TMEM200C: variants seen among roughly 807,000 people sequenced by gnomAD.
The protein encoded by TMEM200C is transmembrane protein TTMA.
For missense variants in TMEM200C, 966 were observed against 699.9 expected, an observed-to-expected ratio of 1.38 and a Z score of -4.29; for synonymous variants, 462 against 324.7, an observed-to-expected ratio of 1.42 and a Z score of -4.55.
rs1184747684 is a variant in TMEM200C, at chr18:5,891,026, G to A, written c.1038C>T (p.Ala346=). The change falls in exon 3 of 3, where the codon GCC becomes GCT. Residue 346 remains alanine, a synonymous_variant. Coordinates refer to ENST00000581347, the Ensembl canonical transcript of TMEM200C. This position sits in a 1 kb window ranked among gnomAD's most constrained non-coding sequence, Gnocchi z 4.7. ...GCGCCGGACTGCTGCAGCTGCTAGC[G>A]GCTGCGGCGGCGGTGGCAGCGGCGG... 3.7e-5 allele frequency: 21 copies of A among 566,902 alleles called. 1 individual carries two copies. The highest frequency in any genetic ancestry group is 4.9e-5 in the Non-Finnish European group (16 of 326,790). The allele number at this position is 566,902 out of a possible 1,614,324, so 35.1% of individuals were successfully genotyped here. A position where few individuals can be genotyped will look rare whatever the true frequency, so the allele number is the denominator to read the frequency against.
exon 3 of TMEM200C, chr18:5,884,545 A>G (rs1053649519): frequency 6.6e-6 from 1 of 152,204 alleles, no homozygotes; most frequent in African/African-American, 2.4e-5. Context: ...TACCTACCAC[A>G]GTGCCTATCT....
At chr18:5,892,557 ATTCT>A (rs2095172347) in intron 2 of TMEM200C, among the ~76,000 whole-genome samples, 1 of 152,170 alleles carries the variant, frequency 6.6e-6, no homozygotes, top group South Asian at 2.1e-4. Flanking sequence ...CCCTGTCAAG[ATTCT>A]TTCCCTCAGT....
exon 3 of TMEM200C, chr18:5,890,511 G>A: frequency 6.5e-7 from 1 of 1,527,698 alleles, no homozygotes; most frequent in Non-Finnish European, 8.8e-7. Flanking sequence ...GTCCCGCCTG[G>A]TGGGGGGCGA....
intron 2 of TMEM200C, among the ~76,000 whole-genome samples, chr18:5,894,281 C>T (rs1305960975): frequency 6.6e-6 from 1 of 152,184 alleles, no homozygotes; most frequent in Non-Finnish European, 1.5e-5. Context: ...CAGTCCTTTA[C>T]CGCACATCTT....
At position 5,891,436 on chromosome 18, in the gene TMEM200C, C is replaced by A; in HGVS notation, c.628G>T (p.Val210Leu). ...AGGTCTTTGGCGCGGAGGCTGTGCA[C>A]GTCGATGACGGTGGAGTAGAGGTCC... is the stretch of plus-strand genomic sequence containing the variant. Residue 210 changes from valine to leucine, a missense_variant, in exon 3 of 3, where the codon GTG (valine) becomes TTG (leucine). By Grantham distance (32) the Val-to-Leu change is conservative. Coordinates refer to ENST00000581347, the Ensembl canonical transcript of TMEM200C. The surrounding 1 kb of genome is among the most constrained non-coding windows in gnomAD (Gnocchi z 4.7). 2 of 1,551,374 alleles carry A rather than the reference C, an allele frequency of 1.3e-6. No homozygotes were observed. Among genetic ancestry groups the A allele is most frequent in the Non-Finnish European group, 1.7e-6 (2 of 1,147,996 alleles).
In TMEM200C at chr18:5,891,965, C is replaced by T. The variant is rs2095171674; in HGVS notation, c.99G>A (p.Lys33=). 5 of 1,613,866 alleles carry T rather than the reference C, an allele frequency of 3.1e-6. 1 individual carries two copies. In the South Asian group the frequency reaches 4.4e-5, roughly 14 times the overall value. Residue 33 remains lysine, a synonymous_variant, in exon 3 of 3, where the codon AAG becomes AAA. Transcript: ENST00000581347. The surrounding 1 kb of genome is among the most constrained non-coding windows in gnomAD (Gnocchi z 4.7). ...CCACCACCACGTCGTTCTTGCGCCT[C>T]TTCTTGGCTTTCCGCTTGCGCTTGG... is the stretch of plus-strand genomic sequence containing the variant.
chr18:5,883,415 T>C (rs1008092168), exon 3 of TMEM200C: 2 of 152,168 alleles, frequency 1.3e-5, no homozygotes, highest in African/African-American at 4.8e-5. Flanking sequence ...TACTTTGCTA[T>C]TCTGGCCAAA....
rs754206113 is a variant in TMEM200C at position 5,891,991 on chromosome 18, G to C, written c.73C>G (p.Pro25Ala). ...TTCTTGGCTTTCCGCTTGCGCTTGGGTATCTGGCTTGGGGGGCGGAGTGGA... is the reference window on the plus strand; with the variant it reads ...TTCTTGGCTTTCCGCTTGCGCTTGGCTATCTGGCTTGGGGGGCGGAGTGGA... Residue 25 changes from proline (P) to alanine (A), a missense_variant, in exon 3 of 3, where the codon CCC (proline) becomes GCC (alanine). By Grantham distance (27) the Pro-to-Ala change is conservative. Transcript: ENST00000581347. The surrounding 1 kb of genome is among the most constrained non-coding windows in gnomAD (Gnocchi z 4.7). 1 of 1,613,856 alleles carries C rather than the reference G, an allele frequency of 6.2e-7. No homozygotes were observed. The highest frequency in any genetic ancestry group is 1.1e-5 in the South Asian group (1 of 91,082).
chr18:5,884,570 A>G (rs925248882), exon 3 of TMEM200C: 5 of 152,294 alleles, frequency 3.3e-5, no homozygotes, highest in Non-Finnish European at 7.4e-5. Flanking sequence ...CATGATAGGC[A>G]GAGTATAATA....
At chr18:5,893,001 T>A (rs2095172727) in intron 2 of TMEM200C, among the ~76,000 whole-genome samples, 1 of 152,188 alleles carries the variant, frequency 6.6e-6, no homozygotes, top group African/African-American at 2.4e-5. Context: ...CTTCTGGCCT[T>A]CTTTCCTCCC....
At chr18:5,895,520 G>C (rs1426044950) in intron 1 of TMEM200C, 3 of 148,836 alleles carry the variant, frequency 2.0e-5, no homozygotes, top group East Asian at 4.0e-4. Flanking sequence ...ATTGCGGCAG[G>C]GTGGCGGTCG....
rs747524327 is a variant in TMEM200C, at chr18:5,890,209, T to C, written c.1855A>G (p.Thr619Ala). 3 of 1,553,522 alleles carry C rather than the reference T, an allele frequency of 1.9e-6. No homozygotes were observed. In the South Asian group the frequency reaches 3.7e-5, roughly 19 times the overall value. ...ACCCACCCCTTTCTCTAAATGCCTG[T>C]GCTTTCCAGTTCTTCTTCTACCCCT... Residue 619 changes from threonine (T) to alanine (A), a missense_variant, in exon 3 of 3, where the codon ACA (threonine) becomes GCA (alanine). By Grantham distance (58) the Thr-to-Ala change is moderately conservative (BLOSUM62 0). Transcript: ENST00000581347.
Position 5,891,182 on chromosome 18 carries a change from G to A in TMEM200C, c.882C>T (p.Gly294=). The A allele has an allele frequency of 1.2e-6, 1 of 811,548 alleles. No individual in the cohort carries two copies. Among genetic ancestry groups the A allele is most frequent in the South Asian group, 4.7e-5 (1 of 21,324 alleles). The allele number at this position is 811,548 out of a possible 1,614,324, so 50.3% of individuals were successfully genotyped here. ...GCGGGGACGCGGCGCCCCGAGGGCGGCCGCCGCTCGGCGCCGCGGGGTGAG... is the reference window on the plus strand; with the variant it reads ...GCGGGGACGCGGCGCCCCGAGGGCGACCGCCGCTCGGCGCCGCGGGGTGAG... Residue 294 remains glycine, a synonymous_variant, in exon 3 of 3, where the codon GGC becomes GGT. Coordinates refer to ENST00000581347, the Ensembl canonical transcript of TMEM200C. This position sits in a 1 kb window ranked among gnomAD's most constrained non-coding sequence, Gnocchi z 4.7.
Position 5,891,581 on chromosome 18 carries a change from G to A in TMEM200C, c.483C>T (p.His161=). ...GCCCGAAGACCTTGAGCTTGTCAGAGTGCAGGTAGCCAGAGAAGATGCGGA... is the reference window on the plus strand; with the variant it reads ...GCCCGAAGACCTTGAGCTTGTCAGAATGCAGGTAGCCAGAGAAGATGCGGA... The change falls in exon 3 of 3, where the codon CAC becomes CAT. Residue 161 remains histidine (H), a synonymous_variant. Coordinates refer to ENST00000581347, the Ensembl canonical transcript of TMEM200C. The surrounding 1 kb of genome is among the most constrained non-coding windows in gnomAD (Gnocchi z 4.7). 2.5e-6 allele frequency: 4 copies of A among 1,613,850 alleles called. No individual in the cohort carries two copies. Among genetic ancestry groups the A allele is most frequent in the Middle Eastern group, 1.6e-4 (1 of 6,062 alleles).
exon 3 of TMEM200C, chr18:5,890,724 G>T: frequency 1.9e-6 from 1 of 530,136 alleles, no homozygotes; most frequent in Non-Finnish European, 3.3e-6. Context: ...GGCGCGCGCC[G>T]CTACCGCGCC....
chr18:5,890,204 G>A, exon 3 of TMEM200C: 1 of 1,545,358 alleles, frequency 6.5e-7, no homozygotes, highest in East Asian at 2.3e-5. Flanking sequence ...TTCTCTAAAT[G>A]CCTGTGCTTT....
At chr18:5,885,340 T>C (rs1041478884) in exon 3 of TMEM200C, 5 of 152,174 alleles carry the variant, frequency 3.3e-5, no homozygotes, top group Non-Finnish European at 7.4e-5. Context: ...TCCAGGAGAA[T>C]CTGCATAATC....
chr18:5,890,048 C>T (rs1010198594), exon 3 of TMEM200C: 2 of 684,692 alleles, frequency 2.9e-6, no homozygotes, highest in Non-Finnish European at 4.3e-6. Context: ...ATCTTGTGGA[C>T]GCAATTCAAG....
chr18:5,888,518 T>A (rs1475481424), exon 3 of TMEM200C: 1 of 152,160 alleles, frequency 6.6e-6, no homozygotes, highest in Non-Finnish European at 1.5e-5. Flanking sequence ...GAGCTGAAGA[T>A]CATAGAGATT....
Sources: allele counts gnomAD v4.1 joint callset (sites outside exome capture counted in the v4.1 genomes callset), GRCh38; gene constraint gnomAD v4.1.1; non-coding constraint Gnocchi (gnomAD v3.1); transcripts MANE v1.5; gene names NCBI Gene and HGNC (gene_info 2026-07-23, HGNC 2026-07-21).